The following RUNDC3B variants were observed in gnomAD, a reference collection of about 807,000 sequenced individuals.
The protein encoded by RUNDC3B is RUN domain-containing protein 3B.
RUNDC3B carries 33 observed loss-of-function variants against 58.4 expected under a neutral mutation model. That is an observed-to-expected ratio of 0.56 (90% CI 0.43 to 0.75). The LOEUF (loss-of-function observed/expected upper bound fraction) is 0.75, where lower values mean the gene tolerates loss of function less well. Among genes scored for constraint, RUNDC3B ranks in the 30% least tolerant of loss-of-function variants. The probability of loss-of-function intolerance (pLI) is 0.00; values close to 1 mark genes in which losing one functional copy is unlikely to be tolerated. For missense variants in RUNDC3B, 501 were observed against 535.7 expected, an observed-to-expected ratio of 0.94 and a Z score of 0.64; for synonymous variants, 193 against 195.2, an observed-to-expected ratio of 0.99 and a Z score of 0.10.
intron 4 of RUNDC3B, among the ~76,000 whole-genome samples, chr7:87,736,396 C>T (rs539936216): frequency 6.1e-4 from 93 of 152,138 alleles, no homozygotes; most frequent in Non-Finnish European, 5.9e-5. Flanking sequence ...AATATTCTTA[C>T]AGAATGGACA....
chr7:87,662,561 G>C (rs936424321), intron 2 of RUNDC3B, among the ~76,000 whole-genome samples: 1 of 152,028 alleles, frequency 6.6e-6, no homozygotes. Context: ...TGAGTTAACT[G>C]TAGTTTTATG....
chr7:87,786,923 T>G (rs1235689628), intron 8 of RUNDC3B, among the ~76,000 whole-genome samples: 1 of 152,122 alleles, frequency 6.6e-6, no homozygotes, highest in Non-Finnish European at 1.5e-5. Flanking sequence ...TTTAATACCT[T>G]TAATTTTAAT....
rs187636512 is a variant in RUNDC3B at position 87,652,359 on chromosome 7, C to T, written c.238+1422C>T. ...ACTATGTAAGTGGATGCCTCCTGCG[C>T]ACTAATCTGCCATCTTCTGAGTTGT... is the stretch of plus-strand genomic sequence containing the variant. On this transcript the variant is annotated intron_variant, in intron 2 of 10. Transcript: ENST00000394654. Among the ~76,000 whole-genome samples, 5 of 152,146 alleles carry T rather than the reference C, an allele frequency of 3.3e-5. No individual in the cohort carries two copies. The East Asian group carries it at 9.7e-4, about 29-fold the overall frequency.
chr7:87,673,594 T>C (rs1826042850), intron 2 of RUNDC3B, among the ~76,000 whole-genome samples: 1 of 152,234 alleles, frequency 6.6e-6, no homozygotes, highest in Non-Finnish European at 1.5e-5. Context: ...GGCCCTTCGA[T>C]ATTTCGGCTT....
chr7:87,748,506 G>T (rs1053416078), intron 6 of RUNDC3B, among the ~76,000 whole-genome samples: 1 of 152,124 alleles, frequency 6.6e-6, no homozygotes, highest in Non-Finnish European at 1.5e-5. Context: ...TGTCCTCCAT[G>T]ATGATCTACA....
Position 87,728,377 on chromosome 7 carries a change from T to C in RUNDC3B, c.459-11414T>C, listed in dbSNP as rs117800439. ...TTTCTCCATCTGTGTTAGTTTCCTATTGTTACCTGTAACAAACTATCACAA... is the reference window on the plus strand; with the variant it reads ...TTTCTCCATCTGTGTTAGTTTCCTACTGTTACCTGTAACAAACTATCACAA... On this transcript the variant is annotated intron_variant, in intron 4 of 10. Coordinates refer to ENST00000394654, the MANE Select transcript of RUNDC3B (RefSeq NM_001134405.2). Among the ~76,000 whole-genome samples the C allele has an allele frequency of 6.8e-4, 103 of 152,342 alleles. 1 individual carries two copies. In the East Asian group the frequency reaches 0.018, roughly 27 times the overall value.
intron 6 of RUNDC3B, among the ~76,000 whole-genome samples, chr7:87,759,120 G>T: frequency 6.6e-6 from 1 of 152,014 alleles, no homozygotes; most frequent in East Asian, 1.9e-4. Flanking sequence ...AATAAAATGT[G>T]GTATATATAC....
chr7:87,755,091 C>T (rs958250813), intron 6 of RUNDC3B, among the ~76,000 whole-genome samples: 15 of 151,132 alleles, frequency 9.9e-5, no homozygotes, highest in African/African-American at 3.7e-4. Context: ...GCAATGATCT[C>T]GGCTCACTGC....
chr7:87,726,534 C>T (rs904539736), intron 4 of RUNDC3B, among the ~76,000 whole-genome samples: 1 of 152,172 alleles, frequency 6.6e-6, no homozygotes, highest in Non-Finnish European at 1.5e-5. Flanking sequence ...GTGATGCCTC[C>T]AGCTTTGTTC....
chr7:87,831,345 T>C lies in RUNDC3B; in HGVS notation c.*1315T>C, dbSNP rs909274348. On this transcript the variant is annotated 3_prime_UTR_variant, in exon 11 of 11. Transcript: ENST00000394654. ...CTGAGGTTACCACATTCATTCTTTG[T>C]GTTAGAAATGTAGGAGTGTGGTGGT... 6.6e-6 allele frequency: 1 copy of C among 151,866 alleles called. No homozygotes were observed. Among genetic ancestry groups the C allele is most frequent in the African/African-American group, 2.4e-5 (1 of 41,402 alleles). The allele number at this position is 151,866 out of a possible 1,614,324, so 9.4% of individuals were successfully genotyped here. A position where few individuals can be genotyped will look rare whatever the true frequency, so the allele number is the denominator to read the frequency against.
intron 3 of RUNDC3B, among the ~76,000 whole-genome samples, chr7:87,703,912 TGG>T (rs375496150): frequency 0.14 from 8,532 of 61,496 alleles, 17 homozygotes; most frequent in African/African-American, 0.17. Flanking sequence ...TTTTTTTTTT[TGG>T]TTTTTTTTTT....
At chr7:87,685,795 C>G (rs1377875464) in intron 2 of RUNDC3B, among the ~76,000 whole-genome samples, 1 of 152,158 alleles carries the variant, frequency 6.6e-6, no homozygotes, top group Non-Finnish European at 1.5e-5. Flanking sequence ...ATAGCAACAG[C>G]AAATTTACTA....
chr7:87,695,767 T>C (rs1367063870), intron 2 of RUNDC3B, among the ~76,000 whole-genome samples: 2 of 152,078 alleles, frequency 1.3e-5, no homozygotes, highest in Non-Finnish European at 2.9e-5. Context: ...GAGAACCACT[T>C]TAGAAAAATT....
rs74273126 is a variant in RUNDC3B, at chr7:87,786,611, TAAG to T, written c.956+8661_956+8663del. 3.7e-3 allele frequency among the ~76,000 whole-genome samples: 566 copies of T among 152,140 alleles called. 1 individual carries two copies. Among genetic ancestry groups the T allele is most frequent in the Non-Finnish European group, 6.1e-3 (412 of 68,002 alleles). On this transcript the variant is annotated intron_variant, in intron 8 of 10. Coordinates refer to ENST00000394654, the MANE Select transcript of RUNDC3B (RefSeq NM_001134405.2). ...AATTATAATTTTACAATTAAAATAT[TAAG>T]AAGATAATTTCATTTTTCTTTTACA... is the stretch of plus-strand genomic sequence containing the variant.
At chr7:87,706,992 T>C (rs867409692) in intron 3 of RUNDC3B, among the ~76,000 whole-genome samples, 1 of 152,158 alleles carries the variant, frequency 6.6e-6, no homozygotes, top group Non-Finnish European at 1.5e-5. Flanking sequence ...AGGTTTTTAC[T>C]TGAGACCCCT....
chr7:87,644,867 T>A (rs1055008965), intron 1 of RUNDC3B, among the ~76,000 whole-genome samples: 5 of 151,962 alleles, frequency 3.3e-5, no homozygotes, highest in Non-Finnish European at 5.9e-5. Flanking sequence ...TTATTTTTGA[T>A]TTGTCCTCAC....
At chr7:87,750,936 A>C (rs1284889711) in intron 6 of RUNDC3B, among the ~76,000 whole-genome samples, 2 of 152,082 alleles carry the variant, frequency 1.3e-5, no homozygotes, top group Non-Finnish European at 2.9e-5. Flanking sequence ...TTGGTGTTTT[A>C]GACATGAAGT....
chr7:87,754,398 C>T (rs1833228390), intron 6 of RUNDC3B, among the ~76,000 whole-genome samples: 1 of 152,034 alleles, frequency 6.6e-6, no homozygotes, highest in African/African-American at 2.4e-5. Context: ...CCAATGAGAA[C>T]AAAGATACAA....
intron 6 of RUNDC3B, among the ~76,000 whole-genome samples, chr7:87,764,669 C>G (rs1281192774): frequency 6.6e-6 from 1 of 151,888 alleles, no homozygotes; most frequent in African/African-American, 2.4e-5. Flanking sequence ...TGAGCTATCT[C>G]ACTTAGGATA....
Sources: gnomAD v4.1 joint callset for allele counts (sites outside exome capture counted in the v4.1 genomes callset) on GRCh38, gnomAD v4.1.1 for gene constraint, MANE v1.5 for transcripts, NCBI Gene and HGNC (gene_info 2026-07-23, HGNC 2026-07-21) for gene names.